Variants in WWOX observed in about 807,000 individuals in gnomAD.
WWOX encodes WW domain-containing oxidoreductase.
WWOX carries 69 observed loss-of-function variants against 46.2 expected under a neutral mutation model. That is an observed-to-expected ratio of 1.49 (90% CI 1.23 to 1.82). WWOX has a LOEUF of 1.82. Ranked by LOEUF, WWOX falls within the 40% of genes most tolerant of loss-of-function variation. The pLI is 0.00. For synonymous variants in WWOX, 359 were observed against 202.6 expected, an observed-to-expected ratio of 1.77 and a Z score of -6.56; for missense variants, 919 against 542.6, an observed-to-expected ratio of 1.69 and a Z score of -6.89.
chr16:78,769,958 C>A (rs556829085), intron 8 of WWOX, among the ~76,000 whole-genome samples: 1 of 152,078 alleles, frequency 6.6e-6, no homozygotes, highest in Admixed American at 6.6e-5. Flanking sequence ...GCAGGAGGAT[C>A]GCTTGAGCTC....
In WWOX at chr16:78,940,941, G is replaced by GC. The variant is rs199891486; in HGVS notation, c.1057-270660dup. 3.1e-3 allele frequency among the ~76,000 whole-genome samples: 474 copies of GC among 151,374 alleles called. 1 individual carries two copies. Among genetic ancestry groups the GC allele is most frequent in the Admixed American group, 0.023 (347 of 15,168 alleles). ...CTTGGATCCCAAGGAATTTTCTTCT[G>GC]CCCCCCCACCCCATCCCACTCATAT... On this transcript the variant is annotated intron_variant, in intron 8 of 8. Coordinates refer to ENST00000566780, the MANE Select transcript of WWOX (RefSeq NM_016373.4).
rs1034789159 is a variant in WWOX at position 78,337,757 on chromosome 16, C to G, written c.517-49103C>G. Among the ~76,000 whole-genome samples, 9 of 56,072 alleles carry G rather than the reference C, an allele frequency of 1.6e-4. 2 individuals are homozygous for G. Among genetic ancestry groups the G allele is most frequent in the Non-Finnish European group, 2.3e-4 (4 of 17,518 alleles). The allele number at this position is 56,072 out of a possible 152,430, so 36.8% of individuals were successfully genotyped here. A position where few individuals can be genotyped will look rare whatever the true frequency, so the allele number is the denominator to read the frequency against. On this transcript the variant is annotated intron_variant, in intron 5 of 8. Transcript: ENST00000566780. ...GTGCTCAGAATGAAATATCCCTGTACTCCAAGATGCCTCCAGCAATTATAA... is the reference window on the plus strand; with the variant it reads ...GTGCTCAGAATGAAATATCCCTGTAGTCCAAGATGCCTCCAGCAATTATAA...
intron 8 of WWOX, among the ~76,000 whole-genome samples, chr16:78,770,817 C>G (rs1016681713): frequency 3.3e-5 from 5 of 152,324 alleles, no homozygotes; most frequent in African/African-American, 1.2e-4. Context: ...CCTCCCAAGC[C>G]GAGCAATGCT....
At chr16:78,681,634 G>C (rs1334161006) in intron 8 of WWOX, among the ~76,000 whole-genome samples, 1 of 152,090 alleles carries the variant, frequency 6.6e-6, no homozygotes, top group Non-Finnish European at 1.5e-5. Context: ...CGAGGTTTGA[G>C]AGTTCCTGCT....
intron 5 of WWOX, among the ~76,000 whole-genome samples, chr16:78,302,328 A>G (rs561246924): frequency 1.3e-5 from 2 of 152,038 alleles, no homozygotes. Context: ...TAAATATATC[A>G]GTTATAAAAG....
intron 5 of WWOX, among the ~76,000 whole-genome samples, chr16:78,259,439 G>T (rs2038220833): frequency 6.6e-6 from 1 of 151,764 alleles, no homozygotes; most frequent in African/African-American, 2.4e-5. Flanking sequence ...CAATTCTCCT[G>T]CCTCAGTCTG....
intron 8 of WWOX, among the ~76,000 whole-genome samples, chr16:79,185,338 C>A (rs938900904): frequency 3.9e-5 from 6 of 152,204 alleles, no homozygotes; most frequent in Non-Finnish European, 8.8e-5. Flanking sequence ...GCTTTGGTGG[C>A]AGGCAGTTCA....
intron 8 of WWOX, among the ~76,000 whole-genome samples, chr16:78,709,034 A>C (rs2048383068): frequency 6.6e-6 from 1 of 152,214 alleles, no homozygotes; most frequent in African/African-American, 2.4e-5. Context: ...AAACGTGAAA[A>C]TAAATTGGCC....
intron 6 of WWOX, among the ~76,000 whole-genome samples, chr16:78,403,531 C>G (rs2082460638): frequency 6.6e-6 from 1 of 152,086 alleles, no homozygotes; most frequent in Admixed American, 6.5e-5. Context: ...CAGGAAGGCT[C>G]TTTGTTTATT....
chr16:78,875,543 C>T (rs991422861), intron 8 of WWOX, among the ~76,000 whole-genome samples: 4 of 152,180 alleles, frequency 2.6e-5, no homozygotes, highest in African/African-American at 9.7e-5. Context: ...TCTGTCTGTT[C>T]TTGGCTATAT....
chr16:79,174,080 A>T (rs557222595), intron 8 of WWOX, among the ~76,000 whole-genome samples: 1 of 152,202 alleles, frequency 6.6e-6, no homozygotes, highest in African/African-American at 2.4e-5. Flanking sequence ...TGTTTATTTG[A>T]CCTTGATCTT....
chr16:78,103,968 C>A (rs970175890), intron 1 of WWOX, among the ~76,000 whole-genome samples: 7 of 152,016 alleles, frequency 4.6e-5, no homozygotes, highest in African/African-American at 1.7e-4. Context: ...GGGGTGAGGT[C>A]GAGGTAGACC....
intron 4 of WWOX, among the ~76,000 whole-genome samples, chr16:78,159,353 A>G (rs747537999): frequency 3.3e-5 from 5 of 152,122 alleles, no homozygotes; most frequent in South Asian, 2.1e-4. Context: ...TAATCCAGCA[A>G]TTTTTAATTC....
At chr16:78,590,089 G>C (rs932325929) in intron 8 of WWOX, among the ~76,000 whole-genome samples, 1 of 151,838 alleles carries the variant, frequency 6.6e-6, no homozygotes, top group Non-Finnish European at 1.5e-5. Context: ...CTTAAGGAGA[G>C]AAACACATAT....
intron 8 of WWOX, among the ~76,000 whole-genome samples, chr16:78,667,202 C>T (rs953733157): frequency 4.6e-5 from 7 of 152,156 alleles, no homozygotes; most frequent in African/African-American, 1.4e-4. Context: ...AACATGTCTG[C>T]AACTCTTTGG....
Position 79,187,462 on chromosome 16 carries a change from G to A in WWOX, c.1057-24146G>A, listed in dbSNP as rs1022065837. ...GTCACCCAGGCTGGAGTGCAGCGGCGTGATCTCTGCTGACTGCATTCTCCA... is the reference window on the plus strand; with the variant it reads ...GTCACCCAGGCTGGAGTGCAGCGGCATGATCTCTGCTGACTGCATTCTCCA... On this transcript the variant is annotated intron_variant, in intron 8 of 8. Coordinates refer to ENST00000566780, the MANE Select transcript of WWOX (RefSeq NM_016373.4). Among the ~76,000 whole-genome samples, 16 of 152,208 alleles carry A rather than the reference G, an allele frequency of 1.1e-4. No individual in the cohort carries two copies. In the South Asian group the frequency reaches 2.5e-3, roughly 24 times the overall value.
chr16:78,874,483 T>G (rs17633136), intron 8 of WWOX, among the ~76,000 whole-genome samples: 39,789 of 151,712 alleles, frequency 0.26, 5,463 homozygotes, highest in South Asian at 0.36. Context: ...TATGGACTTG[T>G]CTGAGCCTGA....
At chr16:78,375,143 G>A (rs116656009) in intron 5 of WWOX, among the ~76,000 whole-genome samples, 1,946 of 152,290 alleles carry the variant, frequency 0.013, 39 homozygotes, top group African/African-American at 0.044. Flanking sequence ...GAGATCCTCT[G>A]AAAGATTTAT....
intron 5 of WWOX, among the ~76,000 whole-genome samples, chr16:78,180,543 G>T (rs1455231707): frequency 6.6e-6 from 1 of 151,958 alleles, no homozygotes; most frequent in Non-Finnish European, 1.5e-5. Flanking sequence ...CATATGTTAG[G>T]GCTAGTGGGT....
Sources: allele counts gnomAD v4.1 joint callset (sites outside exome capture counted in the v4.1 genomes callset), GRCh38; gene constraint gnomAD v4.1.1; transcripts MANE v1.5; gene names NCBI Gene and HGNC (gene_info 2026-07-23, HGNC 2026-07-21).